The following ADCY2 variants were observed in gnomAD, a reference collection of about 807,000 sequenced individuals.
ADCY2 encodes the protein adenylate cyclase 2.
ADCY2 carries 31 observed loss-of-function variants against 125.2 expected under a neutral mutation model. The ratio of observed to expected loss-of-function variants is 0.25; its 90% confidence interval spans 0.19 to 0.33. The LOEUF (loss-of-function observed/expected upper bound fraction) is 0.33. Ranked by LOEUF, ADCY2 falls within the 10% of genes least tolerant of loss-of-function variation. ADCY2 has a pLI of 1.00. For synonymous variants in ADCY2, 512 were observed against 548.4 expected (o/e 0.93, Z 0.93); for missense variants, 904 against 1,418.2 (o/e 0.64, Z 5.82).
chr5:7,532,214 G>C (rs1734672088), intron 3 of ADCY2, among the ~76,000 whole-genome samples: 1 of 152,188 alleles, frequency 6.6e-6, no homozygotes, highest in African/African-American at 2.4e-5. Context: ...TAAGGCAACT[G>C]AACTTCTATT....
intron 7 of ADCY2, among the ~76,000 whole-genome samples, chr5:7,702,359 C>T (rs2126339844): frequency 6.6e-6 from 1 of 151,710 alleles, no homozygotes; most frequent in East Asian, 1.9e-4. Context: ...GGTATATCTC[C>T]TAATGGTATC....
intron 1 of ADCY2, among the ~76,000 whole-genome samples, chr5:7,399,776 A>G (rs1447593123): frequency 6.6e-6 from 1 of 152,200 alleles, no homozygotes; most frequent in Non-Finnish European, 1.5e-5. Flanking sequence ...TTTCACCATC[A>G]GCTTGTTGAG....
chr5:7,640,934 T>G (rs1354229196), intron 4 of ADCY2, among the ~76,000 whole-genome samples: 1 of 152,222 alleles, frequency 6.6e-6, no homozygotes, highest in East Asian at 1.9e-4. Flanking sequence ...TTGGAAAATT[T>G]GCTTTTCTGA....
rs1741613374 is a variant in ADCY2, at chr5:7,717,043, A to G, written c.1623-114A>G. 6 of 657,086 alleles carry G rather than the reference A, an allele frequency of 9.1e-6. No homozygotes were observed. The South Asian group carries it at 1.3e-4, about 14-fold the overall frequency. 40.7% of individuals were successfully genotyped at this position (657,086 alleles called of 1,614,324 possible). Reference sequence around the variant, plus strand: ...ATTGATCATTGCACATGCATGCAACAAAATGTCATCTGTATCTCATAAGGA... The same window carrying G: ...ATTGATCATTGCACATGCATGCAACGAAATGTCATCTGTATCTCATAAGGA... On this transcript the variant is annotated intron_variant, in intron 11 of 24. Transcript: ENST00000338316.
At chr5:7,816,639 G>A (rs1745121280) in intron 22 of ADCY2, among the ~76,000 whole-genome samples, 1 of 152,240 alleles carries the variant, frequency 6.6e-6, no homozygotes, top group Admixed American at 6.5e-5. Context: ...TTGGCCTGAG[G>A]GGGCCTGAGA....
At chr5:7,702,083 A>G (rs1242837249) in intron 7 of ADCY2, among the ~76,000 whole-genome samples, 1 of 152,094 alleles carries the variant, frequency 6.6e-6, no homozygotes, top group African/African-American at 2.4e-5. Flanking sequence ...TATAGTAGAC[A>G]AGGTGATCAA....
At chr5:7,421,959 A>G (rs1444703968) in intron 2 of ADCY2, among the ~76,000 whole-genome samples, 3 of 152,250 alleles carry the variant, frequency 2.0e-5, no homozygotes, top group East Asian at 3.8e-4. Context: ...AACTGGTCCA[A>G]TCACATTGCT....
At chr5:7,750,319 G>A (rs1461269103) in intron 15 of ADCY2, among the ~76,000 whole-genome samples, 1 of 152,162 alleles carries the variant, frequency 6.6e-6, no homozygotes, top group South Asian at 2.1e-4. Context: ...GATTAACAAA[G>A]TATATTATTA....
At chr5:7,809,177 G>A (rs1025991194) in intron 22 of ADCY2, among the ~76,000 whole-genome samples, 4 of 152,154 alleles carry the variant, frequency 2.6e-5, no homozygotes, top group African/African-American at 9.7e-5. Context: ...TACCATTGCT[G>A]ACTCAAATAG....
intron 3 of ADCY2, among the ~76,000 whole-genome samples, chr5:7,528,709 G>A (rs1734550173): frequency 6.6e-6 from 1 of 152,160 alleles, no homozygotes; most frequent in East Asian, 1.9e-4. Flanking sequence ...TTGGCTAGAG[G>A]CACCACTCAC....
Position 7,778,261 on chromosome 5 carries a change from T to C in ADCY2, c.2384+5160T>C, listed in dbSNP as rs551393829. The stretch of plus-strand genomic sequence containing the variant: ...AGTTGTCAAATTTTTCCTGAGTTTT[T>C]TTTCTTACAGAACTGAAAAGTCTCA... On this transcript the variant is annotated intron_variant, in intron 18 of 24. Coordinates refer to ENST00000338316, the MANE Select transcript of ADCY2 (RefSeq NM_020546.3). 3.3e-5 allele frequency among the ~76,000 whole-genome samples: 5 copies of C among 152,322 alleles called. No homozygotes were observed. In the South Asian group the frequency reaches 1.0e-3, roughly 32 times the overall value.
chr5:7,540,554 C>T (rs958193356), intron 3 of ADCY2, among the ~76,000 whole-genome samples: 31 of 152,162 alleles, frequency 2.0e-4, no homozygotes, highest in Non-Finnish European at 4.3e-4. Flanking sequence ...TTTTTCGACA[C>T]TGTTGAAGTG....
chr5:7,651,583 C>A (rs898655001), intron 4 of ADCY2, among the ~76,000 whole-genome samples: 3 of 152,066 alleles, frequency 2.0e-5, no homozygotes, highest in African/African-American at 7.2e-5. Context: ...ATTCTGGCCG[C>A]GCTGGCAGCT....
chr5:7,476,808 A>G (rs1447204200), intron 2 of ADCY2, among the ~76,000 whole-genome samples: 1 of 152,218 alleles, frequency 6.6e-6, no homozygotes, highest in Non-Finnish European at 1.5e-5. Context: ...TTTATAAGTC[A>G]ATGTCTTGTT....
chr5:7,616,430 G>C (rs949446474), intron 3 of ADCY2, among the ~76,000 whole-genome samples: 1 of 152,084 alleles, frequency 6.6e-6, no homozygotes, highest in East Asian at 1.9e-4. Context: ...TAAATTGTTT[G>C]TTTGCTTTGT....
At chr5:7,773,954 T>C (rs1743634791) in intron 18 of ADCY2, among the ~76,000 whole-genome samples, 2 of 152,270 alleles carry the variant, frequency 1.3e-5, no homozygotes, top group African/African-American at 4.8e-5. Flanking sequence ...GTTAGGTTTA[T>C]TTCTGAACCC....
intron 5 of ADCY2, among the ~76,000 whole-genome samples, chr5:7,692,870 C>A (rs1026357521): frequency 6.6e-6 from 1 of 152,152 alleles, no homozygotes; most frequent in African/African-American, 2.4e-5. Context: ...CTCCAGTCGT[C>A]TTCTGGGACT....
chr5:7,515,772 G>C (rs1473554577), intron 2 of ADCY2, among the ~76,000 whole-genome samples: 1 of 152,162 alleles, frequency 6.6e-6, no homozygotes, highest in Non-Finnish European at 1.5e-5. Context: ...GTGAGGTACT[G>C]TCCTGGGCAC....
rs561455658 is a variant in ADCY2 at position 7,539,365 on chromosome 5, A to AT, written c.570+18466_570+18467insT. On this transcript the variant is annotated intron_variant, in intron 3 of 24. Coordinates refer to ENST00000338316, the MANE Select transcript of ADCY2 (RefSeq NM_020546.3). Reference sequence around the variant, plus strand: ...CAAAATGCATGGGATTAAAAAAAAAAAAATAAAACCTCATGTACCTTAGCA... The same window carrying AT: ...CAAAATGCATGGGATTAAAAAAAAAATAAATAAAACCTCATGTACCTTAGCA... 1.6e-3 allele frequency among the ~76,000 whole-genome samples: 238 copies of AT among 152,182 alleles called. 9 individuals are homozygous for AT. In the South Asian group the frequency reaches 0.04, roughly 26 times the overall value.
Sources: allele counts gnomAD v4.1 joint callset (sites outside exome capture counted in the v4.1 genomes callset), GRCh38; gene constraint gnomAD v4.1.1; transcripts MANE v1.5; gene names NCBI Gene and HGNC (gene_info 2026-07-23, HGNC 2026-07-21).